The following MYO3B variants were observed in gnomAD, a reference collection of about 807,000 sequenced individuals.
MYO3B encodes the protein myosin-IIIb.
Under a neutral mutation model 174.6 loss-of-function variants are expected in MYO3B, and 156 were observed. The observed-to-expected ratio is 0.89, with a 90% confidence interval of 0.78 to 1.02. MYO3B has a LOEUF of 1.02. Ranked by LOEUF, MYO3B falls within the 50% of genes least tolerant of loss-of-function variation. The pLI is 0.00. For missense variants in MYO3B, 1,632 were observed against 1,639.4 expected, an observed-to-expected ratio of 1.00 and a Z score of 0.08; for synonymous variants, 563 against 569.1, an observed-to-expected ratio of 0.99 and a Z score of 0.15.
intron 7 of MYO3B, chr2:170,334,618 A>AT (rs1258628405): frequency 6.6e-6 from 1 of 152,244 alleles, no homozygotes; most frequent in East Asian, 1.9e-4. Flanking sequence ...AGTCTCATCA[A>AT]TTAAAGGTAA....
At chr2:170,438,393 A>G (rs925412582) in intron 22 of MYO3B, among the ~76,000 whole-genome samples, 1 of 151,896 alleles carries the variant, frequency 6.6e-6, no homozygotes, top group Non-Finnish European at 1.5e-5. Context: ...TGAACACAGG[A>G]GTGCAAATAT....
At chr2:170,547,147 G>A (rs1420777641) in intron 32 of MYO3B, among the ~76,000 whole-genome samples, 19 of 133,616 alleles carry the variant, frequency 1.4e-4, no homozygotes, top group South Asian at 5.1e-4. Flanking sequence ...GTGAAACCCC[G>A]TCTCTACTAA....
At position 170,199,406 on chromosome 2, in the gene MYO3B, TA is replaced by T. The variant is rs2092637244; in HGVS notation, c.186+18del. ...ATCCAGTCAGTGTAAGTAACAGTTG[TA>T]AATTATAACCAGAATTTGGTGTTTT... On this transcript the variant is annotated intron_variant, in intron 2 of 34. Transcript: ENST00000408978. 1 of 1,566,372 alleles carries T rather than the reference TA, an allele frequency of 6.4e-7. No individual in the cohort carries two copies. Among genetic ancestry groups the T allele is most frequent in the South Asian group, 1.2e-5 (1 of 82,814 alleles).
chr2:170,591,466 T>C (rs1693814435), intron 32 of MYO3B, among the ~76,000 whole-genome samples: 1 of 152,212 alleles, frequency 6.6e-6, no homozygotes, highest in Non-Finnish European at 1.5e-5. Flanking sequence ...AAAGAGATTT[T>C]CTGTGAAAAT....
chr2:170,565,266 A>G (rs917776968), intron 32 of MYO3B, among the ~76,000 whole-genome samples: 16 of 152,210 alleles, frequency 1.1e-4, no homozygotes, highest in Admixed American at 8.5e-4. Context: ...ATCTGCCAAT[A>G]TATTATTTGA....
chr2:170,347,364 G>A (rs1332804482), intron 8 of MYO3B, among the ~76,000 whole-genome samples: 1 of 152,162 alleles, frequency 6.6e-6, no homozygotes, highest in Non-Finnish European at 1.5e-5. Flanking sequence ...CACTTTGGTA[G>A]GCTGAGGCAG....
At chr2:170,472,144 G>T (rs1367935501) in intron 25 of MYO3B, among the ~76,000 whole-genome samples, 2 of 151,716 alleles carry the variant, frequency 1.3e-5, no homozygotes, top group Non-Finnish European at 2.9e-5. Context: ...TGGACTTCCT[G>T]CCTATTTCAT....
chr2:170,460,898 A>C (rs1684243245), intron 23 of MYO3B, among the ~76,000 whole-genome samples: 1 of 152,048 alleles, frequency 6.6e-6, no homozygotes, highest in African/African-American at 2.4e-5. Context: ...ATTTTCTTAT[A>C]AGAGTATTCC....
intron 7 of MYO3B, among the ~76,000 whole-genome samples, chr2:170,326,512 A>G (rs1380016546): frequency 1.3e-5 from 2 of 152,016 alleles, no homozygotes; most frequent in Non-Finnish European, 2.9e-5. Flanking sequence ...TTGAAGGAGG[A>G]AATTAAAGAA....
intron 7 of MYO3B, among the ~76,000 whole-genome samples, chr2:170,247,700 G>A (rs956698811): frequency 2.0e-5 from 3 of 152,192 alleles, no homozygotes; most frequent in Admixed American, 2.0e-4. Flanking sequence ...TTCATAGATG[G>A]TAGCTTCTTG....
At chr2:170,498,142 G>T (rs1163553308) in intron 25 of MYO3B, among the ~76,000 whole-genome samples, 1 of 152,104 alleles carries the variant, frequency 6.6e-6, no homozygotes, top group African/African-American at 2.4e-5. Context: ...AGAATCAGTA[G>T]TGTTAGGCTG....
chr2:170,209,127 C>T (rs2092745129), intron 3 of MYO3B, among the ~76,000 whole-genome samples: 1 of 152,300 alleles, frequency 6.6e-6, no homozygotes, highest in African/African-American at 2.4e-5. Flanking sequence ...GGGAAGCATA[C>T]CCTTCCAGTC....
chr2:170,236,873 C>A (rs2093076686), intron 7 of MYO3B, among the ~76,000 whole-genome samples: 1 of 152,194 alleles, frequency 6.6e-6, no homozygotes, highest in Non-Finnish European at 1.5e-5. Context: ...AGGCTGGGAG[C>A]CATTTAACTG....
In MYO3B at chr2:170,538,814, A is replaced by T. The variant is rs79777237; in HGVS notation, c.3576-4092A>T. 9.6e-3 allele frequency among the ~76,000 whole-genome samples: 1,456 copies of T among 152,308 alleles called. 19 individuals carry two copies. Among genetic ancestry groups the T allele is most frequent in the African/African-American group, 0.033 (1,364 of 41,552 alleles). ...GCTTCCAAGACGCCAATGGAGCCCT[A>T]GAAATATGTGATGAATTATACAAAG... On this transcript the variant is annotated intron_variant, in intron 30 of 34. Coordinates refer to ENST00000408978, the MANE Select transcript of MYO3B (RefSeq NM_138995.5).
intron 7 of MYO3B, among the ~76,000 whole-genome samples, chr2:170,297,809 G>T (rs1292123873): frequency 1.3e-5 from 2 of 152,124 alleles, no homozygotes; most frequent in Non-Finnish European, 2.9e-5. Context: ...TGTTAAAATT[G>T]CTTGGAGTAT....
chr2:170,441,354 C>T (rs899504923), intron 22 of MYO3B, among the ~76,000 whole-genome samples: 26 of 151,992 alleles, frequency 1.7e-4, no homozygotes, highest in Non-Finnish European at 2.8e-4. Context: ...TGTTTTTGAT[C>T]GTGTGGAAAA....
intron 22 of MYO3B, among the ~76,000 whole-genome samples, chr2:170,419,832 G>A (rs1286000145): frequency 6.6e-6 from 1 of 152,122 alleles, no homozygotes; most frequent in South Asian, 2.1e-4. Context: ...ATCCAGCCTG[G>A]GGGCAGAAGG....
chr2:170,490,443 G>A (rs557636185), intron 25 of MYO3B, among the ~76,000 whole-genome samples: 5 of 152,076 alleles, frequency 3.3e-5, no homozygotes, highest in South Asian at 2.1e-4. Flanking sequence ...TAGCTTTTTC[G>A]TAGATTACAC....
chr2:170,563,212 G>A (rs1691860072), intron 32 of MYO3B, among the ~76,000 whole-genome samples: 1 of 151,914 alleles, frequency 6.6e-6, no homozygotes, highest in Non-Finnish European at 1.5e-5. Context: ...CTCAAATTAG[G>A]ATAATTGGAG....
Sources: allele counts gnomAD v4.1 joint callset (sites outside exome capture counted in the v4.1 genomes callset), GRCh38; gene constraint gnomAD v4.1.1; transcripts MANE v1.5; gene names NCBI Gene and HGNC (gene_info 2026-07-23, HGNC 2026-07-21).